IREB2: variants seen among roughly 807,000 people sequenced by gnomAD.
IREB2 encodes iron-responsive element-binding protein 2.
A neutral mutation model predicts 118.8 loss-of-function variants in IREB2; 39 were observed. That is an observed-to-expected ratio of 0.33 (90% CI 0.25 to 0.43). IREB2 has a LOEUF of 0.43. Ranked by LOEUF, IREB2 falls within the 20% of genes least tolerant of loss-of-function variation. The pLI is 1.00. For synonymous variants in IREB2, 372 were observed against 392.2 expected (o/e 0.95, Z 0.61); for missense variants, 900 against 1,147.3 (o/e 0.78, Z 3.11).
intron 2 of IREB2, among the ~76,000 whole-genome samples, chr15:78,452,014 C>T (rs1294613058): frequency 6.6e-6 from 1 of 152,158 alleles, no homozygotes; most frequent in Non-Finnish European, 1.5e-5. Flanking sequence ...AATTTGGTGC[C>T]ACTGCTTTGA....
At chr15:78,489,573 G>A (rs2051715886) in intron 16 of IREB2, among the ~76,000 whole-genome samples, 1 of 152,132 alleles carries the variant, frequency 6.6e-6, no homozygotes. Flanking sequence ...CTGGAGTGCA[G>A]TGGCCTGAAG....
At chr15:78,497,519 C>T (rs1359971889) in intron 21 of IREB2, among the ~76,000 whole-genome samples, 1 of 151,876 alleles carries the variant, frequency 6.6e-6, no homozygotes, top group African/African-American at 2.4e-5. Flanking sequence ...GTGCTTATAC[C>T]AGAAAAAAAG....
intron 2 of IREB2, among the ~76,000 whole-genome samples, chr15:78,453,614 G>C (rs2051060585): frequency 6.6e-6 from 1 of 152,228 alleles, no homozygotes; most frequent in Non-Finnish European, 1.5e-5. Flanking sequence ...TTATCATTTA[G>C]TAGGAGGAAG....
At position 78,500,411 on chromosome 15, in the gene IREB2, A is replaced by G. The variant is rs1161806851; in HGVS notation, c.*2268A>G. ...AATTGAGGAGGAGAGTCTTGGATGTATGTTTTAATATGTATACCTTATAAT... is the reference window on the plus strand; with the variant it reads ...AATTGAGGAGGAGAGTCTTGGATGTGTGTTTTAATATGTATACCTTATAAT... On this transcript the variant is annotated 3_prime_UTR_variant, in exon 22 of 22. Transcript: ENST00000258886. 2 of 152,068 alleles carry G rather than the reference A, an allele frequency of 1.3e-5. No individual in the cohort carries two copies. The highest frequency in any genetic ancestry group is 2.9e-5 in the Non-Finnish European group (2 of 68,028). The allele number at this position is 152,068 out of a possible 1,614,324, so 9.4% of individuals were successfully genotyped here.
chr15:78,493,673 G>A (rs868866487), intron 18 of IREB2, among the ~76,000 whole-genome samples: 2 of 151,712 alleles, frequency 1.3e-5, no homozygotes, highest in African/African-American at 2.4e-5. Flanking sequence ...TGAAAAGTAT[G>A]CTGTTAAAAT....
intron 10 of IREB2, among the ~76,000 whole-genome samples, chr15:78,479,830 A>G (rs2051535587): frequency 6.6e-6 from 1 of 151,862 alleles, no homozygotes; most frequent in Admixed American, 6.6e-5. Context: ...CTGAGTAGGG[A>G]CGATGGCTTG....
chr15:78,479,852 T>A (rs1555408633), intron 10 of IREB2, among the ~76,000 whole-genome samples: 2 of 150,106 alleles, frequency 1.3e-5, no homozygotes, highest in Non-Finnish European at 2.9e-5. Flanking sequence ...GCCCAGGAGG[T>A]CAAGGCTGCA....
intron 8 of IREB2, 41 bp downstream of exon 8, chr15:78,473,422 T>G (rs1319612958): frequency 2.6e-6 from 4 of 1,562,288 alleles, no homozygotes; most frequent in Non-Finnish European, 2.6e-6. Context: ...TACTGAACAT[T>G]ATTTTTATAA....
chr15:78,469,995 A>G (rs544888344), intron 5 of IREB2, among the ~76,000 whole-genome samples: 26 of 152,368 alleles, frequency 1.7e-4, no homozygotes, highest in African/African-American at 6.3e-4. Flanking sequence ...CTATATTTAT[A>G]ATCCATGTAA....
At chr15:78,452,761 A>G (rs1336578181) in intron 2 of IREB2, among the ~76,000 whole-genome samples, 1 of 152,224 alleles carries the variant, frequency 6.6e-6, no homozygotes, top group African/African-American at 2.4e-5. Flanking sequence ...AAAATGAAAA[A>G]GAACTATAAA....
chr15:78,492,762 G>T (rs1005050147), intron 18 of IREB2, among the ~76,000 whole-genome samples: 3 of 152,120 alleles, frequency 2.0e-5, no homozygotes, highest in African/African-American at 7.2e-5. Context: ...ATCTCCCTTT[G>T]TTGCACAGGC....
chr15:78,440,365 C>A (rs2050826691), intron 2 of IREB2, among the ~76,000 whole-genome samples: 1 of 126,582 alleles, frequency 7.9e-6, no homozygotes, highest in Non-Finnish European at 1.8e-5. Context: ...TTTCTCTTTT[C>A]TTTTCTTTTT....
intron 10 of IREB2, among the ~76,000 whole-genome samples, chr15:78,478,796 G>A (rs889432905): frequency 1.3e-5 from 2 of 152,076 alleles, no homozygotes; most frequent in Admixed American, 1.3e-4. Flanking sequence ...GTATAACCTT[G>A]GGCAATTTAT....
chr15:78,438,238 C>G lies in IREB2; in HGVS notation c.-100C>G, dbSNP rs1241465200. 3.3e-6 allele frequency: 3 copies of G among 919,274 alleles called. No individual in the cohort carries two copies. Among genetic ancestry groups the G allele is most frequent in the South Asian group, 2.8e-5 (2 of 71,280 alleles). The allele number at this position is 919,274 out of a possible 1,614,324, so 56.9% of individuals were successfully genotyped here. A position where few individuals can be genotyped will look rare whatever the true frequency, so the allele number is the denominator to read the frequency against. The stretch of plus-strand genomic sequence containing the variant: ...CGCGAGCCTGCTTCCTTCTTTCCTC[C>G]CTTGCCAGTCCGCCTGTCTTCCTCC... On this transcript the variant is annotated 5_prime_UTR_variant, in exon 1 of 22. Coordinates refer to ENST00000258886, the MANE Select transcript of IREB2 (RefSeq NM_004136.4).
Position 78,466,362 on chromosome 15 carries a change from T to C in IREB2, c.502T>C (p.Cys168Arg), listed in dbSNP as rs748161581. The C allele has an allele frequency of 1.2e-6, 2 of 1,614,046 alleles. No individual in the cohort carries two copies. Among genetic ancestry groups the C allele is most frequent in the Non-Finnish European group, 1.7e-6 (2 of 1,179,904 alleles). The change falls in exon 5 of 22, where the codon TGC becomes CGC. Residue 168 changes from cysteine to arginine, a missense_variant. Cys to Arg is a radical substitution (Grantham distance 180). Transcript: ENST00000258886. ...TAAAGTGCAGCCTAAGAAGCTTCCC[T>C]GCAGAGGCCAGACTACCTGCCGAGG... The part of the protein sequence containing the change: ...PLKVQPKKLP[C>R]RGQTTCRGSC...
At chr15:78,438,589 C>A (rs1204391916) in intron 1 of IREB2, 1 of 562,118 alleles carries the variant, frequency 1.8e-6, no homozygotes. Flanking sequence ...GGCCACCCCA[C>A]CGCTGGCCTT....
rs760112020 is a variant in IREB2, at chr15:78,473,221, T to C, written c.884-21T>C. The C allele has an allele frequency of 5.0e-6, 8 of 1,609,292 alleles. No individual in the cohort carries two copies. In the Admixed American group the frequency reaches 5.0e-5, roughly 10 times the overall value. ...GATCTTTAAATATACTGTGCTAATA[T>C]ACCTGTCTTTATTACGTTAGGGGTT... On this transcript the variant is annotated intron_variant, in intron 7 of 21. Coordinates refer to ENST00000258886, the MANE Select transcript of IREB2 (RefSeq NM_004136.4).
intron 2 of IREB2, among the ~76,000 whole-genome samples, chr15:78,448,881 A>T (rs1246488217): frequency 1.3e-5 from 2 of 152,150 alleles, no homozygotes; most frequent in African/African-American, 4.8e-5. Context: ...TCTCTGTTAC[A>T]TGTAGTTATC....
upstream of IREB2, chr15:78,438,151 G>A (rs1282970705): frequency 1.7e-6 from 1 of 576,720 alleles, no homozygotes; most frequent in Non-Finnish European, 3.2e-6. Context: ...TCTCGCGGGA[G>A]TTAGGCGACA....
Sources: gnomAD v4.1 joint callset for allele counts (sites outside exome capture counted in the v4.1 genomes callset) on GRCh38, gnomAD v4.1.1 for gene constraint, MANE v1.5 for transcripts, NCBI Gene and HGNC (gene_info 2026-07-23, HGNC 2026-07-21) for gene names.